ADCY1: variants seen among roughly 807,000 people sequenced by gnomAD.
ADCY1 encodes adenylate cyclase type 1.
ADCY1 carries 28 observed loss-of-function variants against 105.4 expected under a neutral mutation model. The observed-to-expected ratio is 0.27, with a 90% CI of 0.20 to 0.36. ADCY1 has a LOEUF of 0.36. Ranked by LOEUF, ADCY1 falls within the 10% of genes least tolerant of loss-of-function variation. The probability of loss-of-function intolerance (pLI) is 1.00; values close to 1 mark genes in which losing one functional copy is unlikely to be tolerated. For synonymous variants in ADCY1, 655 were observed against 623.8 expected, an observed-to-expected ratio of 1.05 and a Z score of -0.75; for missense variants, 977 against 1,434.2, an observed-to-expected ratio of 0.68 and a Z score of 5.15.
In ADCY1 at chr7:45,582,570, G is replaced by C. The variant is rs564338864; in HGVS notation, c.639+7388G>C. Among the ~76,000 whole-genome samples, 207 of 150,900 alleles carry C rather than the reference G, an allele frequency of 1.4e-3. 1 individual carries two copies. Among genetic ancestry groups the C allele is most frequent in the African/African-American group, 5.0e-3 (203 of 40,664 alleles). ...GTGCAGGCCAGGGCAGGCACCTGGC[G>C]GGGGGTGGGGGGTGGTGGGGGATGG... is the stretch of plus-strand genomic sequence containing the variant. On this transcript the variant is annotated intron_variant, in intron 1 of 19. Coordinates refer to ENST00000297323, the MANE Select transcript of ADCY1 (RefSeq NM_021116.4).
intron 4 of ADCY1, among the ~76,000 whole-genome samples, chr7:45,642,748 G>T (rs1245250415): frequency 6.6e-6 from 1 of 152,132 alleles, no homozygotes; most frequent in Admixed American, 6.6e-5. Context: ...GTCCATCAAT[G>T]GTCTCCCATC....
chr7:45,708,515 A>C lies in ADCY1; in HGVS notation c.2932+51A>C. ...CCATCCATGTGGAACACCTTCCTAC[A>C]CCCACCTAGGGGTGGGATCAGCTGA... is the stretch of plus-strand genomic sequence containing the variant. On this transcript the variant is annotated intron_variant, in intron 18 of 19. Transcript: ENST00000297323. This position sits in a 1 kb window ranked among gnomAD's most constrained non-coding sequence, Gnocchi z 4.7. The C allele has an allele frequency of 7.1e-7, 1 of 1,411,980 alleles. No homozygotes were observed. Among genetic ancestry groups the C allele is most frequent in the Non-Finnish European group, 1.0e-6 (1 of 998,900 alleles). 87.5% of individuals were successfully genotyped at this position (1,411,980 alleles called of 1,614,324 possible).
chr7:45,693,807 C>T (rs1474056821), intron 14 of ADCY1, among the ~76,000 whole-genome samples: 20 of 143,380 alleles, frequency 1.4e-4, no homozygotes, highest in Non-Finnish European at 2.6e-4. Flanking sequence ...GAGTTCATAT[C>T]CTTTGTAGGG....
chr7:45,656,480 G>T (rs1047906749), intron 5 of ADCY1, among the ~76,000 whole-genome samples: 4 of 152,230 alleles, frequency 2.6e-5, no homozygotes, highest in African/African-American at 9.6e-5. Flanking sequence ...ATCTGCCTTG[G>T]AGTGGCTGCT....
intron 8 of ADCY1, among the ~76,000 whole-genome samples, chr7:45,662,807 C>G (rs969610740): frequency 6.6e-6 from 1 of 152,230 alleles, no homozygotes; most frequent in Non-Finnish European, 1.5e-5. Context: ...TTCCCCACCC[C>G]CGGACCCCAG....
chr7:45,711,523 T>A (rs558032255), intron 19 of ADCY1, among the ~76,000 whole-genome samples: 1 of 151,148 alleles, frequency 6.6e-6, no homozygotes, highest in South Asian at 2.1e-4. Flanking sequence ...GTCATCTTTT[T>A]TCTAGGTGTA....
chr7:45,700,962 G>C (rs1406398395), intron 14 of ADCY1, among the ~76,000 whole-genome samples: 1 of 152,186 alleles, frequency 6.6e-6, no homozygotes, highest in Non-Finnish European at 1.5e-5. Context: ...ACCTCTCTGA[G>C]GCATCACGTA....
chr7:45,640,117 A>G (rs1425750426), intron 4 of ADCY1, among the ~76,000 whole-genome samples: 1 of 152,218 alleles, frequency 6.6e-6, no homozygotes, highest in Non-Finnish European at 1.5e-5. Flanking sequence ...CTGGTCATAG[A>G]TGACAAGGCG....
In ADCY1 at chr7:45,638,432, G is replaced by C. The variant is rs143923048; in HGVS notation, c.1021-10238G>C. On this transcript the variant is annotated intron_variant, in intron 4 of 19. Coordinates refer to ENST00000297323, the MANE Select transcript of ADCY1 (RefSeq NM_021116.4). ...TTCAATTTGAATCTTTTTTCCCTTT[G>C]TTGAGGTAACTGCCTGAAAGTTCAA... Among the ~76,000 whole-genome samples the C allele has an allele frequency of 4.5e-4, 65 of 145,424 alleles. No individual in the cohort carries two copies. The East Asian group carries it at 0.011, about 24-fold the overall frequency.
intron 8 of ADCY1, among the ~76,000 whole-genome samples, chr7:45,668,342 C>G (rs1455473402): frequency 1.3e-5 from 2 of 152,094 alleles, no homozygotes; most frequent in African/African-American, 4.8e-5. Context: ...GCATGAAGTG[C>G]TGTTGAATTT....
chr7:45,686,466 G>T lies in ADCY1; in HGVS notation c.2328-81G>T. ...GGTGTCACCACCTGAGGGTCACTCT[G>T]AACAGTTCTTGGGTTTGGTGGCAGA... On this transcript the variant is annotated intron_variant, in intron 13 of 19. Transcript: ENST00000297323. The surrounding 1 kb of genome is among the most constrained non-coding windows in gnomAD (Gnocchi z 4.3). 6.5e-7 allele frequency: 1 copy of T among 1,541,368 alleles called. No homozygotes were observed. The highest frequency in any genetic ancestry group is 1.3e-5 in the South Asian group (1 of 79,110).
chr7:45,625,412 G>C (rs1224933411), intron 4 of ADCY1, among the ~76,000 whole-genome samples: 1 of 152,222 alleles, frequency 6.6e-6, no homozygotes, highest in Non-Finnish European at 1.5e-5. Context: ...GTCAAGTGGA[G>C]TGAGAGATGT....
In ADCY1 at chr7:45,716,764, C is replaced by T. The variant is rs1785365376; in HGVS notation, c.*2769C>T. 6.6e-6 allele frequency: 1 copy of T among 152,308 alleles called. No homozygotes were observed. The highest frequency in any genetic ancestry group is 2.1e-4 in the South Asian group (1 of 4,836). The allele number at this position is 152,308 out of a possible 1,614,324, so 9.4% of individuals were successfully genotyped here. ...TGCAGGTGGAATTAGGGTTAGGGAT[C>T]TAAGGATGGGAGGGGAACTTGGTTT... On this transcript the variant is annotated 3_prime_UTR_variant, in exon 20 of 20. Coordinates refer to ENST00000297323, the MANE Select transcript of ADCY1 (RefSeq NM_021116.4).
At position 45,677,902 on chromosome 7, in the gene ADCY1, A is replaced by G. The variant is rs779587943; in HGVS notation, c.1639A>G (p.Arg547Gly). The G allele has an allele frequency of 6.2e-7, 1 of 1,614,182 alleles. No individual in the cohort carries two copies. The highest frequency in any genetic ancestry group is 8.5e-7 in the Non-Finnish European group (1 of 1,180,036). The stretch of plus-strand genomic sequence containing the variant: ...ATTAAGAACAGCCTCGGAAAAACTC[A>G]GAAACCGCTCATCTTTTTCTACCAA... ...RALRTASEKL[R>G]NRSSFSTNVV... The change falls in exon 9 of 20, where the codon AGA (arginine) becomes GGA (glycine). Residue 547 changes from arginine to glycine, a missense_variant. By Grantham distance (125) the Arg-to-Gly change is moderately radical. Transcript: ENST00000297323.
chr7:45,656,051 G>T (rs1794932570), intron 5 of ADCY1, among the ~76,000 whole-genome samples: 1 of 151,882 alleles, frequency 6.6e-6, no homozygotes, highest in Admixed American at 6.6e-5. Flanking sequence ...ACTTTGGGAG[G>T]CCAAGGCAGG....
At chr7:45,622,147 C>T (rs1163647306) in intron 3 of ADCY1, among the ~76,000 whole-genome samples, 6 of 152,138 alleles carry the variant, frequency 3.9e-5, no homozygotes, top group African/African-American at 1.4e-4. Flanking sequence ...CGGGGACTCC[C>T]TCCCTTTTCA....
intron 3 of ADCY1, among the ~76,000 whole-genome samples, chr7:45,617,389 A>G (rs935098091): frequency 2.0e-5 from 3 of 152,200 alleles, no homozygotes; most frequent in Non-Finnish European, 4.4e-5. Context: ...CAGGCTAGGC[A>G]TGGACTGCCT....
chr7:45,703,425 G>A lies in ADCY1; in HGVS notation c.2504G>A (p.Arg835His), dbSNP rs2116258882. Residue 835 changes from arginine (R) to histidine (H), a missense_variant, in exon 15 of 20, where the codon CGC becomes CAC. Physicochemically the swap from Arg to His is conservative, Grantham distance 29. Transcript: ENST00000297323. The surrounding 1 kb of genome is among the most constrained non-coding windows in gnomAD (Gnocchi z 5.9). ...GAGAAGGTGAAGCTGGACAACAGGC[G>A]CATCCTCTTCAACCTCCTGCCGGCC... ...DMEKVKLDNR[R>H]ILFNLLPAHV... 6.2e-7 allele frequency: 1 copy of A among 1,614,064 alleles called. No homozygotes were observed. Among genetic ancestry groups the A allele is most frequent in the Non-Finnish European group, 8.5e-7 (1 of 1,179,992 alleles).
intron 14 of ADCY1, among the ~76,000 whole-genome samples, chr7:45,692,486 G>C (rs923601307): frequency 6.6e-6 from 1 of 152,304 alleles, no homozygotes; most frequent in South Asian, 2.1e-4. Context: ...GGTTGGATGT[G>C]ATATCATTTA....
Sources: allele counts gnomAD v4.1 joint callset (sites outside exome capture counted in the v4.1 genomes callset), GRCh38; gene constraint gnomAD v4.1.1; non-coding constraint Gnocchi (gnomAD v3.1); transcripts MANE v1.5; gene names NCBI Gene and HGNC (gene_info 2026-07-23, HGNC 2026-07-21).